The following KCNG3 variants were observed in gnomAD, a reference collection of about 807,000 sequenced individuals.
KCNG3 encodes voltage-gated potassium channel regulatory subunit KCNG3.
Under a neutral mutation model 29.0 loss-of-function variants are expected in KCNG3, and 15 were observed. The ratio of observed to expected loss-of-function variants is 0.52; its 90% confidence interval spans 0.35 to 0.80. The LOEUF (loss-of-function observed/expected upper bound fraction) is 0.80. Among genes scored for constraint, KCNG3 ranks in the 30% least tolerant of loss-of-function variants. The probability of loss-of-function intolerance (pLI) is 0.01; values close to 1 mark genes in which losing one functional copy is unlikely to be tolerated. For missense variants in KCNG3, 512 were observed against 605.7 expected, an observed-to-expected ratio of 0.85 and a Z score of 1.62; for synonymous variants, 322 against 248.9, an observed-to-expected ratio of 1.29 and a Z score of -2.76.
At chr2:42,451,719 T>G (rs538794814) in intron 1 of KCNG3, among the ~76,000 whole-genome samples, 1 of 151,492 alleles carries the variant, frequency 6.6e-6, no homozygotes, top group Non-Finnish European at 1.5e-5. Context: ...GAGCAAGACT[T>G]TGTCTCAAAA....
In KCNG3 at chr2:42,461,182, CAAAAAAA is replaced by C. The variant is rs34199989; in HGVS notation, c.666-16610_666-16604del. Among the ~76,000 whole-genome samples, 414 of 56,446 alleles carry C rather than the reference CAAAAAAA, an allele frequency of 7.3e-3. 5 individuals are homozygous for C. The highest frequency in any genetic ancestry group is 0.024 in the African/African-American group (362 of 15,188). 37.0% of individuals were successfully genotyped at this position (56,446 alleles called of 152,430 possible). On this transcript the variant is annotated intron_variant, in intron 1 of 1. Transcript: ENST00000306078. ...TCTCCAAAAACAAAACAAAACAAAA[CAAAAAAA>C]AAAAAAAAAAAAAAAAGGTAGACAT...
rs869226338 is a variant in KCNG3 at position 42,452,220 on chromosome 2, A to AATATATATATATATATATAT, written c.666-7661_666-7642dup. On this transcript the variant is annotated intron_variant, in intron 1 of 1. Coordinates refer to ENST00000306078, the MANE Select transcript of KCNG3 (RefSeq NM_133329.6). ...TCACATCAGGGTAAATGGGGTGGTA[A>AATATATATATATATATATAT]ATATATATATATATATATATATATT... Among the ~76,000 whole-genome samples the AATATATATATATATATATAT allele has an allele frequency of 3.4e-4, 36 of 104,638 alleles. 1 individual carries two copies. Among genetic ancestry groups the AATATATATATATATATATAT allele is most frequent in the South Asian group, 6.1e-4 (2 of 3,272 alleles). 68.6% of individuals were successfully genotyped at this position (104,638 alleles called of 152,430 possible).
At chr2:42,463,801 T>A (rs1023627546) in intron 1 of KCNG3, 2 of 212,248 alleles carry the variant, frequency 9.4e-6, no homozygotes, top group South Asian at 1.3e-4. Context: ...TCAGGCCATA[T>A]CTGGTCCATC....
intron 1 of KCNG3, among the ~76,000 whole-genome samples, chr2:42,446,562 A>T (rs959841672): frequency 6.6e-6 from 1 of 152,146 alleles, no homozygotes; most frequent in African/African-American, 2.4e-5. Context: ...CTCACCACTA[A>T]CTTAAACCCA....
At chr2:42,435,982 A>C in the KCNG3 span, among the ~76,000 whole-genome samples, 2 of 152,226 alleles carry the variant, frequency 1.3e-5, no homozygotes. Flanking sequence ...AAGTAGAAAC[A>C]AGTGTCCATC....
chr2:42,468,903 G>A (rs999563989), intron 1 of KCNG3, among the ~76,000 whole-genome samples: 21 of 124,676 alleles, frequency 1.7e-4, no homozygotes, highest in Non-Finnish European at 3.0e-4. Context: ...TCAGTGAGTC[G>A]AGATCATGCC....
At chr2:42,425,398 CAA>C in the KCNG3 span, among the ~76,000 whole-genome samples, 23 of 82,336 alleles carry the variant, frequency 2.8e-4, no homozygotes, top group African/African-American at 6.2e-4. Flanking sequence ...GACTCCGTCT[CAA>C]AAAAAAAAAA....
the KCNG3 span, among the ~76,000 whole-genome samples, chr2:42,390,309 C>A: frequency 6.6e-6 from 1 of 152,128 alleles, no homozygotes; most frequent in Non-Finnish European, 1.5e-5. Context: ...GGAATAAAAT[C>A]TTTTAAGCTC....
intron 1 of KCNG3, among the ~76,000 whole-genome samples, chr2:42,472,875 A>C (rs1056125473): frequency 5.5e-5 from 8 of 145,998 alleles, no homozygotes; most frequent in Non-Finnish European, 1.5e-5. Context: ...ATATATATAT[A>C]TAGATCTATC....
chr2:42,390,008 C>A, the KCNG3 span, among the ~76,000 whole-genome samples: 1 of 152,250 alleles, frequency 6.6e-6, no homozygotes, highest in South Asian at 2.1e-4. Flanking sequence ...GAGAAAGTGA[C>A]CATGGTGGCT....
the KCNG3 span, among the ~76,000 whole-genome samples, chr2:42,393,443 C>T: frequency 4.6e-5 from 7 of 151,946 alleles, no homozygotes; most frequent in Non-Finnish European, 1.0e-4. Context: ...CACCTGTAAT[C>T]CCAGCTATTC....
chr2:42,392,402 G>A, the KCNG3 span, among the ~76,000 whole-genome samples: 1 of 152,056 alleles, frequency 6.6e-6, no homozygotes, highest in African/African-American at 2.4e-5. Context: ...CAGGGAGTGG[G>A]TAATGCCAGG....
Position 42,492,670 on chromosome 2 carries a change from G to A in KCNG3, c.665+167C>T, listed in dbSNP as rs569222990. 2.6e-5 allele frequency among the ~76,000 whole-genome samples: 4 copies of A among 152,070 alleles called. No individual in the cohort carries two copies. The East Asian group carries it at 7.8e-4, about 30-fold the overall frequency. ...CGCTGGTGCCCCGGACAACGGGGTA[G>A]GAGTGGGGACCGACCGGTCCCGTAG... On this transcript the variant is annotated intron_variant, in intron 1 of 1. Transcript: ENST00000306078.
At chr2:42,490,805 T>C (rs1210816524) in intron 1 of KCNG3, among the ~76,000 whole-genome samples, 1 of 152,216 alleles carries the variant, frequency 6.6e-6, no homozygotes, top group Non-Finnish European at 1.5e-5. Context: ...ATGAGAATGA[T>C]GTTTTAGAAA....
chr2:42,441,090 G>C (rs1160277590), downstream of KCNG3, among the ~76,000 whole-genome samples: 1 of 152,122 alleles, frequency 6.6e-6, no homozygotes, highest in Admixed American at 6.5e-5. Context: ...TTTTAAAAAA[G>C]CAGCAACAGG....
At chr2:42,426,466 T>C in the KCNG3 span, among the ~76,000 whole-genome samples, 1,499 of 152,310 alleles carry the variant, frequency 9.8e-3, 21 homozygotes, top group African/African-American at 0.034. Context: ...ACAATGGCCA[T>C]TAAGGATGAC....
chr2:42,405,615 T>C, the KCNG3 span, among the ~76,000 whole-genome samples: 1 of 151,668 alleles, frequency 6.6e-6, no homozygotes, highest in Non-Finnish European at 1.5e-5. Flanking sequence ...ATTTTTTTTT[T>C]TTCTCTTTTT....
Position 42,442,142 on chromosome 2 carries a change from T to C in KCNG3, c.*1792A>G, listed in dbSNP as rs562243221. On this transcript the variant is annotated 3_prime_UTR_variant, in exon 2 of 2. Transcript: ENST00000306078. ...AAATCCATGCCATTTATTTCAATTA[T>C]ATTAGAATACAATAAATATACAATA... is the stretch of plus-strand genomic sequence containing the variant. The C allele has an allele frequency of 8.5e-5, 13 of 152,318 alleles. No individual in the cohort carries two copies. Among genetic ancestry groups the C allele is most frequent in the Admixed American group, 6.5e-4 (10 of 15,282 alleles). The allele number at this position is 152,318 out of a possible 1,614,324, so 9.4% of individuals were successfully genotyped here. A position where few individuals can be genotyped will look rare whatever the true frequency, so the allele number is the denominator to read the frequency against.
At chr2:42,392,032 G>C in the KCNG3 span, among the ~76,000 whole-genome samples, 2 of 152,014 alleles carry the variant, frequency 1.3e-5, no homozygotes, top group Non-Finnish European at 1.5e-5. Flanking sequence ...AAAATCTTAG[G>C]GATCTCTTTA....
Sources: allele counts gnomAD v4.1 joint callset (sites outside exome capture counted in the v4.1 genomes callset), GRCh38; gene constraint gnomAD v4.1.1; transcripts MANE v1.5; gene names NCBI Gene and HGNC (gene_info 2026-07-23, HGNC 2026-07-21).